Variants in HOOK3 observed in about 807,000 individuals in gnomAD.
HOOK3 encodes protein Hook homolog 3.
A neutral mutation model predicts 116.3 loss-of-function variants in HOOK3; 24 were observed. The ratio of observed to expected loss-of-function variants is 0.21; its 90% CI spans 0.15 to 0.29. The LOEUF (loss-of-function observed/expected upper bound fraction) is 0.29. Ranked by LOEUF, HOOK3 falls within the 10% of genes least tolerant of loss-of-function variation. The pLI, the probability that HOOK3 is intolerant of heterozygous loss-of-function variation, is 1.00. For synonymous variants in HOOK3, 275 were observed against 283.0 expected (o/e 0.97, Z 0.28); for missense variants, 632 against 830.2 (o/e 0.76, Z 2.93).
chr8:42,919,954 T>G (rs529686275), intron 2 of HOOK3, among the ~76,000 whole-genome samples: 3,611 of 122,098 alleles, frequency 0.03, 143 homozygotes, highest in African/African-American at 0.098. Flanking sequence ...AGGGAGAGGG[T>G]TTTTTTTTTT....
intron 3 of HOOK3, 78 bp from the exon 4 acceptor site, chr8:42,930,044 G>A: frequency 7.6e-7 from 1 of 1,318,134 alleles, no homozygotes; most frequent in South Asian, 1.5e-5. Flanking sequence ...TGATTGGTTG[G>A]CTCAGAAATT....
intron 14 of HOOK3, among the ~76,000 whole-genome samples, chr8:42,984,188 C>T (rs574114002): frequency 7.9e-5 from 12 of 151,810 alleles, no homozygotes; most frequent in African/African-American, 2.9e-4. Context: ...ACCAACATGG[C>T]GAAACCCTGT....
rs745459560 is a variant in HOOK3 at position 43,026,876 on chromosome 8, CTTTTTTCTTT to C, written c.*8390_*8399del. The C allele has an allele frequency of 4.9e-5, 10 of 203,626 alleles. No homozygotes were observed. Among genetic ancestry groups the C allele is most frequent in the Non-Finnish European group, 1.0e-4 (10 of 99,404 alleles). 12.6% of individuals were successfully genotyped at this position (203,626 alleles called of 1,614,324 possible). On this transcript the variant is annotated 3_prime_UTR_variant, in exon 22 of 22. Transcript: ENST00000307602. ...TAGGTTTTATGAACTCAGCTGTTTT[CTTTTTTCTTT>C]TTTTTTCTTTTGAGATGGAGTCTCA...
At chr8:42,945,463 C>T (rs1808209229) in intron 5 of HOOK3, among the ~76,000 whole-genome samples, 1 of 152,096 alleles carries the variant, frequency 6.6e-6, no homozygotes, top group Non-Finnish European at 1.5e-5. Context: ...ATGTGCACCA[C>T]CATGCCTGGC....
chr8:42,934,563 G>T (rs1807930028), intron 4 of HOOK3, among the ~76,000 whole-genome samples: 1 of 151,814 alleles, frequency 6.6e-6, no homozygotes, highest in Non-Finnish European at 1.5e-5. Context: ...CCCGCACCAG[G>T]CCCCAGTGGG....
At chr8:42,983,904 A>G (rs1326888007) in intron 14 of HOOK3, among the ~76,000 whole-genome samples, 1 of 152,098 alleles carries the variant, frequency 6.6e-6, no homozygotes, top group Non-Finnish European at 1.5e-5. Flanking sequence ...TTTGGGGCCT[A>G]TTTGCCCCTT....
At chr8:42,978,965 A>G (rs1393925216) in intron 13 of HOOK3, among the ~76,000 whole-genome samples, 1 of 152,160 alleles carries the variant, frequency 6.6e-6, no homozygotes, top group Non-Finnish European at 1.5e-5. Context: ...TCAAAGATTA[A>G]ATAGGATATG....
chr8:42,914,887 T>C (rs1245608967), intron 2 of HOOK3, among the ~76,000 whole-genome samples: 3 of 152,130 alleles, frequency 2.0e-5, no homozygotes, highest in African/African-American at 7.2e-5. Flanking sequence ...GAGGTGGAGA[T>C]GGGCGGATCA....
Position 42,949,676 on chromosome 8 carries a change from T to C in HOOK3, c.401-712T>C, listed in dbSNP as rs1336679898. Among the ~76,000 whole-genome samples, 3 of 152,278 alleles carry C rather than the reference T, an allele frequency of 2.0e-5. No individual in the cohort carries two copies. The South Asian group carries it at 6.2e-4, about 32-fold the overall frequency. ...GGCTCACGCCTGTAATCCCAGCACT[T>C]TGGGAGGCCGAGGCAGGCGGATCAC... On this transcript the variant is annotated intron_variant, in intron 5 of 21. Coordinates refer to ENST00000307602, the MANE Select transcript of HOOK3 (RefSeq NM_032410.4).
rs764513803 is a variant in HOOK3 at position 42,970,782 on chromosome 8, C to CTTTTTTTTTTTTTTTTT, written c.1123-2502_1123-2486dup. Among the ~76,000 whole-genome samples the CTTTTTTTTTTTTTTTTT allele has an allele frequency of 1.8e-4, 17 of 93,856 alleles. 2 individuals are homozygous for CTTTTTTTTTTTTTTTTT. Among genetic ancestry groups the CTTTTTTTTTTTTTTTTT allele is most frequent in the African/African-American group, 6.9e-4 (16 of 23,078 alleles). 61.6% of individuals were successfully genotyped at this position (93,856 alleles called of 152,430 possible). On this transcript the variant is annotated intron_variant, in intron 11 of 21. Transcript: ENST00000307602. Reference sequence around the variant, plus strand: ...GTAAAGAAATAAAAGGAATTTGGGTCTTTTTTTTTTTTTTTTTTTTTCTGA... The same window carrying CTTTTTTTTTTTTTTTTT: ...GTAAAGAAATAAAAGGAATTTGGGTCTTTTTTTTTTTTTTTTTTTTTTTTTTTTTTTTTTTTTTCTGA...
chr8:42,907,771 C>A (rs1807339444), intron 2 of HOOK3, among the ~76,000 whole-genome samples: 1 of 136,120 alleles, frequency 7.3e-6, no homozygotes, highest in Admixed American at 8.3e-5. Context: ...ACAAGGATGT[C>A]GACTCTGCCA....
chr8:43,006,994 A>T (rs1259560787), intron 17 of HOOK3, among the ~76,000 whole-genome samples: 1 of 150,772 alleles, frequency 6.6e-6, no homozygotes, highest in Non-Finnish European at 1.5e-5. Context: ...TAACATATAA[A>T]GTACACGTCT....
chr8:42,990,325 C>CTTTTTT lies in HOOK3; in HGVS notation c.1532+3562_1532+3567dup, dbSNP rs59033055. ...TTGAGAAATAAATATCTGTTTAGAT[C>CTTTTTT]TTTTTTTTTTTTTTTTTTTTTTTTT... is the stretch of plus-strand genomic sequence containing the variant. On this transcript the variant is annotated intron_variant, in intron 15 of 21. Coordinates refer to ENST00000307602, the MANE Select transcript of HOOK3 (RefSeq NM_032410.4). Among the ~76,000 whole-genome samples, 61 of 37,900 alleles carry CTTTTTT rather than the reference C, an allele frequency of 1.6e-3. 14 individuals are homozygous for CTTTTTT. The highest frequency in any genetic ancestry group is 2.7e-3 in the Non-Finnish European group (52 of 18,926). The allele number at this position is 37,900 out of a possible 152,430, so 24.9% of individuals were successfully genotyped here.
intron 8 of HOOK3, among the ~76,000 whole-genome samples, chr8:42,963,899 T>G (rs538843512): frequency 4.6e-5 from 7 of 152,272 alleles, no homozygotes; most frequent in African/African-American, 1.7e-4. Context: ...AGAGATTGAT[T>G]GTACTTCTTT....
intron 2 of HOOK3, among the ~76,000 whole-genome samples, chr8:42,919,937 A>G (rs931170108): frequency 2.0e-5 from 3 of 150,760 alleles, no homozygotes; most frequent in Admixed American, 6.6e-5. Flanking sequence ...CCATACAAAA[A>G]GGGGAGAGGG....
intron 15 of HOOK3, among the ~76,000 whole-genome samples, chr8:42,987,094 A>G (rs1809062471): frequency 6.6e-6 from 1 of 152,194 alleles, no homozygotes; most frequent in Non-Finnish European, 1.5e-5. Context: ...CCCAGGAGGC[A>G]GAGGTTGCAG....
At chr8:43,003,671 C>G (rs1422473404) in intron 17 of HOOK3, among the ~76,000 whole-genome samples, 1 of 152,178 alleles carries the variant, frequency 6.6e-6, no homozygotes, top group Non-Finnish European at 1.5e-5. Flanking sequence ...GTTCTGGAGG[C>G]TAGAAGAACC....
chr8:42,968,718 A>G (rs1808675935), intron 11 of HOOK3, among the ~76,000 whole-genome samples: 1 of 152,020 alleles, frequency 6.6e-6, no homozygotes, highest in South Asian at 2.1e-4. Flanking sequence ...TTATTTACTT[A>G]TTTTTATTTA....
At chr8:42,965,786 C>T (rs1202339214) in intron 9 of HOOK3, among the ~76,000 whole-genome samples, 1 of 150,666 alleles carries the variant, frequency 6.6e-6, no homozygotes, top group African/African-American at 2.4e-5. Flanking sequence ...ATAAACTTTT[C>T]TTAGGCTCCT....
Sources: gnomAD v4.1 joint callset for allele counts (sites outside exome capture counted in the v4.1 genomes callset) on GRCh38, gnomAD v4.1.1 for gene constraint, MANE v1.5 for transcripts, NCBI Gene and HGNC (gene_info 2026-07-23, HGNC 2026-07-21) for gene names.